Variants in CDH20 observed in about 807,000 individuals in gnomAD.
CDH20 encodes cadherin-20.
A neutral mutation model predicts 74.2 loss-of-function variants in CDH20; 29 were observed. The ratio of observed to expected loss-of-function variants is 0.39; its 90% CI spans 0.29 to 0.53. The LOEUF is 0.53. CDH20 is among the 20% of genes least tolerant of loss of function. CDH20 has a pLI of 0.69. For synonymous variants in CDH20, 469 were observed against 405.4 expected (o/e 1.16, Z -1.88); for missense variants, 988 against 1,048.3 (o/e 0.94, Z 0.79).
intron 10 of CDH20, 49 bp downstream of exon 10, chr18:61,545,193 A>G (rs1913199390): frequency 8.3e-7 from 1 of 1,207,766 alleles, no homozygotes; most frequent in South Asian, 1.2e-5. Flanking sequence ...AGCATAGGCC[A>G]GCTACTTTGG....
intron 1 of CDH20, among the ~76,000 whole-genome samples, chr18:61,476,460 G>T (rs968501841): frequency 6.6e-6 from 1 of 152,092 alleles, no homozygotes; most frequent in African/African-American, 2.4e-5. Flanking sequence ...CTGATCCATA[G>T]AAAACTGTGA....
At chr18:61,424,171 C>G (rs1420897494) in intron 1 of CDH20, among the ~76,000 whole-genome samples, 1 of 152,176 alleles carries the variant, frequency 6.6e-6, no homozygotes, top group East Asian at 1.9e-4. Context: ...TGAACCAGAG[C>G]AATTATGATA....
intron 1 of CDH20, among the ~76,000 whole-genome samples, chr18:61,432,702 A>C (rs1000711156): frequency 1.3e-5 from 2 of 152,150 alleles, no homozygotes. Context: ...AGCTGTGCAC[A>C]CACAGTCTTA....
chr18:61,456,517 CAGAT>C (rs1392985620), intron 1 of CDH20, among the ~76,000 whole-genome samples: 2 of 151,992 alleles, frequency 1.3e-5, no homozygotes, highest in African/African-American at 4.8e-5. Flanking sequence ...CATGGTTAAA[CAGAT>C]AATATAATTA....
chr18:61,392,022 T>C lies in CDH20; in HGVS notation c.-153+58195T>C, dbSNP rs191172836. Among the ~76,000 whole-genome samples the C allele has an allele frequency of 8.3e-4, 126 of 152,212 alleles. 2 individuals carry two copies. The highest frequency in any genetic ancestry group is 2.6e-3 in the African/African-American group (110 of 41,522). On this transcript the variant is annotated intron_variant, in intron 1 of 11. Transcript: ENST00000262717. Reference sequence around the variant, plus strand: ...TGCAGCTGTGGGGAAAGTCCTACAATGCTAGCCGAATCTTTTGCCCCTCAC... The same window carrying C: ...TGCAGCTGTGGGGAAAGTCCTACAACGCTAGCCGAATCTTTTGCCCCTCAC...
chr18:61,453,680 G>A (rs1909474643), intron 1 of CDH20, among the ~76,000 whole-genome samples: 1 of 152,166 alleles, frequency 6.6e-6, no homozygotes, highest in African/African-American at 2.4e-5. Context: ...ACTTTGTGGA[G>A]GTGCCCCAAT....
chr18:61,528,351 TTTGTG>T (rs1261122673), intron 7 of CDH20, 131 bp downstream of exon 7: 89 of 965,402 alleles, frequency 9.2e-5, no homozygotes, highest in Non-Finnish European at 1.3e-4. Flanking sequence ...CTTTGAGTTT[TTTGTG>T]TTGTTTTTTT....
At chr18:61,386,793 CA>C (rs901040309) in intron 1 of CDH20, among the ~76,000 whole-genome samples, 23 of 151,428 alleles carry the variant, frequency 1.5e-4, no homozygotes, top group African/African-American at 4.9e-4. Flanking sequence ...ACGTAAATAT[CA>C]AAAAAGCTAA....
At chr18:61,524,160 A>G (rs573352336) in intron 6 of CDH20, among the ~76,000 whole-genome samples, 4 of 152,196 alleles carry the variant, frequency 2.6e-5, no homozygotes, top group Non-Finnish European at 5.9e-5. Flanking sequence ...ATGGACTTGA[A>G]TATAAAATAT....
At chr18:61,448,320 T>TC (rs1909266428) in intron 1 of CDH20, among the ~76,000 whole-genome samples, 1 of 152,158 alleles carries the variant, frequency 6.6e-6, no homozygotes, top group Non-Finnish European at 1.5e-5. Context: ...GTAAGTGCTT[T>TC]CCCCATCTAT....
intron 6 of CDH20, among the ~76,000 whole-genome samples, chr18:61,517,012 C>G (rs1207640180): frequency 6.6e-6 from 1 of 152,114 alleles, no homozygotes; most frequent in Non-Finnish European, 1.5e-5. Flanking sequence ...AAAACTCACG[C>G]TAGTGCTTTC....
chr18:61,550,381 A>C, intron 11 of CDH20, 152 bp downstream of exon 11: 1 of 930,242 alleles, frequency 1.1e-6, no homozygotes, highest in Non-Finnish European at 1.6e-6. Flanking sequence ...AAAAACAGTA[A>C]AGAAATTGAG....
At chr18:61,337,345 C>T (rs1249768652) in intron 1 of CDH20, among the ~76,000 whole-genome samples, 1 of 152,118 alleles carries the variant, frequency 6.6e-6, no homozygotes, top group African/African-American at 2.4e-5. Context: ...TAAAAATAAA[C>T]GCATTACCTA....
chr18:61,476,741 C>T (rs1963340836), intron 1 of CDH20, among the ~76,000 whole-genome samples: 1 of 152,166 alleles, frequency 6.6e-6, no homozygotes, highest in African/African-American at 2.4e-5. Flanking sequence ...TTAAACAGTT[C>T]TCATTCCTGA....
intron 1 of CDH20, among the ~76,000 whole-genome samples, chr18:61,366,406 A>C (rs1251583056): frequency 6.6e-6 from 1 of 152,170 alleles, no homozygotes; most frequent in Non-Finnish European, 1.5e-5. Flanking sequence ...ATTAAAGTAC[A>C]TCAGTTACAT....
At chr18:61,469,409 A>G (rs1050858458) in intron 1 of CDH20, among the ~76,000 whole-genome samples, 1 of 148,542 alleles carries the variant, frequency 6.7e-6, no homozygotes, top group South Asian at 2.1e-4. Flanking sequence ...ACACACCCCT[A>G]TATAAATAAC....
chr18:61,483,021 A>G (rs1910639913), intron 1 of CDH20, among the ~76,000 whole-genome samples: 1 of 152,178 alleles, frequency 6.6e-6, no homozygotes, highest in Admixed American at 6.5e-5. Flanking sequence ...CATCTGCACC[A>G]TGGTATCTGC....
At chr18:61,374,056 A>G (rs1355545027) in intron 1 of CDH20, among the ~76,000 whole-genome samples, 1 of 152,118 alleles carries the variant, frequency 6.6e-6, no homozygotes, top group Non-Finnish European at 1.5e-5. Flanking sequence ...TCATGATCGT[A>G]TCTAAATCAA....
At chr18:61,535,263 C>T (rs1374624757) in intron 7 of CDH20, among the ~76,000 whole-genome samples, 1 of 151,988 alleles carries the variant, frequency 6.6e-6, no homozygotes, top group Non-Finnish European at 1.5e-5. Context: ...CTACAGTGAG[C>T]TGACATCATG....
Sources: allele counts gnomAD v4.1 joint callset (sites outside exome capture counted in the v4.1 genomes callset), GRCh38; gene constraint gnomAD v4.1.1; transcripts MANE v1.5; gene names NCBI Gene and HGNC (gene_info 2026-07-23, HGNC 2026-07-21).